Variants in ADK observed in about 807,000 individuals in gnomAD.
The protein encoded by ADK is adenosine kinase.
ADK carries 24 observed loss-of-function variants against 44.7 expected under a neutral mutation model. That is an observed-to-expected ratio of 0.54 (90% CI 0.39 to 0.76). The LOEUF (loss-of-function observed/expected upper bound fraction) is 0.76, where lower values mean the gene tolerates loss of function less well. Ranked by LOEUF, ADK falls within the 30% of genes least tolerant of loss-of-function variation. The probability of loss-of-function intolerance (pLI) is 0.00; values close to 1 mark genes in which losing one functional copy is unlikely to be tolerated. For synonymous variants in ADK, 128 were observed against 142.6 expected, an observed-to-expected ratio of 0.90 and a Z score of 0.73; for missense variants, 321 against 425.1, an observed-to-expected ratio of 0.76 and a Z score of 2.15.
rs1174120313 is a variant in ADK, at chr10:74,678,165, AT to A, written c.964+7897del. ...CTACAAAAAAAAAAAAAAAAAGGAT[AT>A]GAAACATTCACCACAGATAGTAGTT... On this transcript the variant is annotated intron_variant, in intron 10 of 10. Coordinates refer to ENST00000539909, the MANE Select transcript of ADK (RefSeq NM_006721.4). Among the ~76,000 whole-genome samples, 5 of 150,696 alleles carry A rather than the reference AT, an allele frequency of 3.3e-5. No homozygotes were observed. In the South Asian group the frequency reaches 1.1e-3, roughly 32 times the overall value.
chr10:74,372,352 G>A, intron 4 of ADK: 1 of 744,806 alleles, frequency 1.3e-6, no homozygotes, highest in Admixed American at 1.7e-5. Flanking sequence ...GCCACGGAAG[G>A]CTGGTCCACA....
At chr10:74,498,902 T>G (rs1365863790) in intron 6 of ADK, among the ~76,000 whole-genome samples, 1 of 152,220 alleles carries the variant, frequency 6.6e-6, no homozygotes, top group Admixed American at 6.5e-5. Flanking sequence ...TTCATGTCCT[T>G]TGTAGGGACA....
At chr10:74,313,564 T>C (rs1840520725) in intron 3 of ADK, among the ~76,000 whole-genome samples, 1 of 152,060 alleles carries the variant, frequency 6.6e-6, no homozygotes, top group Non-Finnish European at 1.5e-5. Context: ...AAGGTAATTA[T>C]TATTTTTCAC....
chr10:74,269,130 G>A (rs1846329220), intron 3 of ADK, among the ~76,000 whole-genome samples: 1 of 152,032 alleles, frequency 6.6e-6, no homozygotes, highest in Non-Finnish European at 1.5e-5. Context: ...AATATTGCTT[G>A]TATTTATCAT....
intron 4 of ADK, among the ~76,000 whole-genome samples, chr10:74,345,268 A>G (rs1841725170): frequency 6.7e-6 from 1 of 150,224 alleles, no homozygotes. Context: ...TAATATAGCC[A>G]CTTTGTCTTT....
chr10:74,620,190 G>T (rs575401742), intron 9 of ADK, among the ~76,000 whole-genome samples: 4 of 152,178 alleles, frequency 2.6e-5, no homozygotes, highest in Non-Finnish European at 5.9e-5. Flanking sequence ...ATCCTACATT[G>T]CTGTAGAACA....
chr10:74,416,523 T>G (rs980180124), intron 6 of ADK, among the ~76,000 whole-genome samples: 8 of 151,782 alleles, frequency 5.3e-5, no homozygotes, highest in Admixed American at 5.3e-4. Context: ...TTGTTCTCTA[T>G]ACGGATTTCT....
intron 4 of ADK, among the ~76,000 whole-genome samples, chr10:74,388,701 C>T (rs1355080119): frequency 1.3e-5 from 2 of 152,004 alleles, no homozygotes; most frequent in African/African-American, 4.8e-5. Flanking sequence ...ATATATTGAT[C>T]TTAAAGTCTG....
intron 6 of ADK, among the ~76,000 whole-genome samples, chr10:74,465,050 T>C (rs372268960): frequency 6.6e-6 from 1 of 151,958 alleles, no homozygotes; most frequent in Non-Finnish European, 1.5e-5. Flanking sequence ...AAACAAAATA[T>C]CTAGTATATT....
chr10:74,642,103 C>T (rs1339391227), intron 9 of ADK, among the ~76,000 whole-genome samples: 1 of 152,090 alleles, frequency 6.6e-6, no homozygotes, highest in South Asian at 2.1e-4. Context: ...GTTAAGAATC[C>T]AGCTGACTTC....
At chr10:74,314,183 C>G (rs1840540717) in intron 3 of ADK, among the ~76,000 whole-genome samples, 1 of 151,976 alleles carries the variant, frequency 6.6e-6, no homozygotes, top group Non-Finnish European at 1.5e-5. Flanking sequence ...AGTGTAAGGT[C>G]TTATAATTTT....
chr10:74,694,470 T>A (rs2134277012), intron 10 of ADK, among the ~76,000 whole-genome samples: 1 of 151,618 alleles, frequency 6.6e-6, no homozygotes. Context: ...GGTTTGGGGG[T>A]TTTGGGGTTT....
intron 6 of ADK, among the ~76,000 whole-genome samples, chr10:74,498,281 G>A (rs974503052): frequency 1.3e-5 from 2 of 152,142 alleles, no homozygotes; most frequent in Non-Finnish European, 2.9e-5. Context: ...TTTACCTTAT[G>A]TAAATCATTA....
At chr10:74,509,811 C>T (rs538957517) in intron 6 of ADK, among the ~76,000 whole-genome samples, 11 of 152,176 alleles carry the variant, frequency 7.2e-5, no homozygotes, top group African/African-American at 2.4e-4. Flanking sequence ...TTTTTATCTT[C>T]TACTTATGAG....
chr10:74,525,221 T>G (rs778146120), intron 6 of ADK, 35 bp from the exon 7 acceptor site: 1 of 1,590,038 alleles, frequency 6.3e-7, no homozygotes, highest in Non-Finnish European at 8.6e-7. Context: ...GTGGAGATGG[T>G]ATTTCTAATT....
At position 74,152,254 on chromosome 10, in the gene ADK, G is replaced by C. The variant is rs189376483; in HGVS notation, c.65+911G>C. ...CAATTGAAAAGAAAAGGACACTTAGGGGCCTGGTGGTGTGTTCATGCTGCT... is the reference window on the plus strand; with the variant it reads ...CAATTGAAAAGAAAAGGACACTTAGCGGCCTGGTGGTGTGTTCATGCTGCT... On this transcript the variant is annotated intron_variant, in intron 1 of 10. Transcript: ENST00000539909. 3.2e-3 allele frequency among the ~76,000 whole-genome samples: 483 copies of C among 152,232 alleles called. 2 individuals are homozygous for C. Among genetic ancestry groups the C allele is most frequent in the Non-Finnish European group, 3.8e-3 (260 of 68,014 alleles).
At chr10:74,170,660 C>A (rs563452437) in intron 1 of ADK, among the ~76,000 whole-genome samples, 1 of 151,564 alleles carries the variant, frequency 6.6e-6, no homozygotes, top group Non-Finnish European at 1.5e-5. Flanking sequence ...ATTTGCCGGG[C>A]GTGGTGGCGG....
At chr10:74,306,234 A>G (rs1840244566) in intron 3 of ADK, among the ~76,000 whole-genome samples, 1 of 151,988 alleles carries the variant, frequency 6.6e-6, no homozygotes, top group Non-Finnish European at 1.5e-5. Flanking sequence ...TTTTACTATT[A>G]AGCCCATCTA....
intron 6 of ADK, among the ~76,000 whole-genome samples, chr10:74,494,127 T>G (rs1043624097): frequency 2.0e-5 from 3 of 152,188 alleles, no homozygotes; most frequent in African/African-American, 7.2e-5. Flanking sequence ...ATAATATATG[T>G]ACACAGTTTA....
Sources: allele counts gnomAD v4.1 joint callset (sites outside exome capture counted in the v4.1 genomes callset), GRCh38; gene constraint gnomAD v4.1.1; transcripts MANE v1.5; gene names NCBI Gene and HGNC (gene_info 2026-07-23, HGNC 2026-07-21).